ADAP2: variants seen among roughly 807,000 people sequenced by gnomAD.
The protein encoded by ADAP2 is arf-GAP with dual PH domain-containing protein 2.
A neutral mutation model predicts 54.9 loss-of-function variants in ADAP2; 42 were observed. The observed-to-expected ratio is 0.77, with a 90% CI of 0.60 to 0.99. The LOEUF (loss-of-function observed/expected upper bound fraction) is 0.99, where lower values mean the gene tolerates loss of function less well. ADAP2 is among the 50% of genes least tolerant of loss of function. The pLI is 0.00. For missense variants in ADAP2, 429 were observed against 480.4 expected, an observed-to-expected ratio of 0.89 and a Z score of 1.00; for synonymous variants, 177 against 180.1, an observed-to-expected ratio of 0.98 and a Z score of 0.14.
chr17:30,941,924 C>G (rs533970527), intron 5 of ADAP2, among the ~76,000 whole-genome samples: 1 of 147,010 alleles, frequency 6.8e-6, no homozygotes, highest in Non-Finnish European at 1.5e-5. Flanking sequence ...TTTTTTTTTT[C>G]GAGATGGAGT....
intron 5 of ADAP2, among the ~76,000 whole-genome samples, chr17:30,938,499 G>T (rs1034240481): frequency 6.6e-6 from 1 of 152,174 alleles, no homozygotes; most frequent in Non-Finnish European, 1.5e-5. Flanking sequence ...AGAGGGTCAC[G>T]TATACACTGG....
intron 3 of ADAP2, among the ~76,000 whole-genome samples, chr17:30,929,003 A>G (rs997438860): frequency 3.3e-5 from 5 of 152,240 alleles, no homozygotes; most frequent in African/African-American, 1.2e-4. Flanking sequence ...GGCAGTACAC[A>G]GACTATATAA....
chr17:30,930,851 A>G (rs1252733162), intron 3 of ADAP2, among the ~76,000 whole-genome samples: 2 of 152,166 alleles, frequency 1.3e-5, no homozygotes, highest in African/African-American at 4.8e-5. Flanking sequence ...ACGGATGACA[A>G]TCTCTGATTG....
intron 5 of ADAP2, among the ~76,000 whole-genome samples, chr17:30,935,019 C>T (rs1278246925): frequency 1.3e-5 from 2 of 152,076 alleles, no homozygotes; most frequent in Non-Finnish European, 2.9e-5. Context: ...TGCCACTGTA[C>T]TCTAGCATGG....
intron 3 of ADAP2, among the ~76,000 whole-genome samples, chr17:30,929,004 G>A (rs1475023886): frequency 6.6e-6 from 1 of 152,200 alleles, no homozygotes; most frequent in African/African-American, 2.4e-5. Flanking sequence ...GCAGTACACA[G>A]ACTATATAAC....
At chr17:30,922,861 T>C in intron 1 of ADAP2, 79 bp from the exon 2 acceptor site, 2 of 1,508,200 alleles carry the variant, frequency 1.3e-6, no homozygotes, top group Non-Finnish European at 1.8e-6. Context: ...GCGCCCCACC[T>C]GCCCCAGTGC....
At chr17:30,953,960 C>T (rs995939161) in intron 8 of ADAP2, among the ~76,000 whole-genome samples, 2 of 152,048 alleles carry the variant, frequency 1.3e-5, no homozygotes, top group African/African-American at 4.8e-5. Flanking sequence ...CAATGTGGCC[C>T]AGGGAAGGCA....
chr17:30,952,688 T>C (rs531352091), intron 7 of ADAP2, among the ~76,000 whole-genome samples: 165 of 152,226 alleles, frequency 1.1e-3, no homozygotes, highest in Non-Finnish European at 1.9e-3. Context: ...TGGCCATTAT[T>C]TTCTTGTTGC....
rs542403544 is a variant in ADAP2 at position 30,943,840 on chromosome 17, C to G, written c.511-1067C>G. 2.8e-5 allele frequency among the ~76,000 whole-genome samples: 4 copies of G among 143,152 alleles called. No homozygotes were observed. The East Asian group carries it at 8.0e-4, about 29-fold the overall frequency. The allele number at this position is 143,152 out of a possible 152,430, so 93.9% of individuals were successfully genotyped here. A position where few individuals can be genotyped will look rare whatever the true frequency, so the allele number is the denominator to read the frequency against. On this transcript the variant is annotated intron_variant, in intron 5 of 10. Transcript: ENST00000330889. ...TCAGCCTGGACAACAGAGCAAGACT[C>G]TATCTCAAAAATAAATAAATAAATA...
At chr17:30,930,390 A>G (rs1471214441) in intron 3 of ADAP2, among the ~76,000 whole-genome samples, 1 of 152,132 alleles carries the variant, frequency 6.6e-6, no homozygotes, top group Non-Finnish European at 1.5e-5. Context: ...AGTTTAAACC[A>G]GCATTAAAAA....
At chr17:30,927,395 C>A (rs544644523) in intron 3 of ADAP2, among the ~76,000 whole-genome samples, 1 of 151,926 alleles carries the variant, frequency 6.6e-6, no homozygotes, top group South Asian at 2.1e-4. Flanking sequence ...GGGCAGATCA[C>A]GAGGTCAGGG....
At chr17:30,954,201 A>G (rs1487376423) in intron 8 of ADAP2, 1 of 323,234 alleles carries the variant, frequency 3.1e-6, no homozygotes, top group African/African-American at 2.1e-5. Context: ...CTTTGTCTAC[A>G]GCCTGAAAAA....
chr17:30,936,350 G>T (rs1407855864), intron 5 of ADAP2, among the ~76,000 whole-genome samples: 1 of 152,170 alleles, frequency 6.6e-6, no homozygotes, highest in East Asian at 1.9e-4. Flanking sequence ...TTTTTGTAGA[G>T]ATAGGGTTTT....
chr17:30,956,836 T>C, intron 10 of ADAP2: 2 of 238,688 alleles, frequency 8.4e-6, no homozygotes, highest in Admixed American at 9.9e-5. Flanking sequence ...CTGTTATTAT[T>C]AGCTAAGGTC....
Position 30,939,632 on chromosome 17 carries a change from G to A in ADAP2, c.511-5275G>A, listed in dbSNP as rs560575959. Among the ~76,000 whole-genome samples, 43 of 152,046 alleles carry A rather than the reference G, an allele frequency of 2.8e-4. No homozygotes were observed. The South Asian group carries it at 7.9e-3, about 28-fold the overall frequency. ...TAAAAATACAAAAACTTAGCTGGGCGTGGTGGCAGGCGCCTGTAGTCGCAG... is the reference window on the plus strand; with the variant it reads ...TAAAAATACAAAAACTTAGCTGGGCATGGTGGCAGGCGCCTGTAGTCGCAG... On this transcript the variant is annotated intron_variant, in intron 5 of 10. Transcript: ENST00000330889.
In ADAP2 at chr17:30,934,228, A is replaced by G. The variant is rs1208836519; in HGVS notation, c.441A>G (p.Ser147=). 2 of 1,614,136 alleles carry G rather than the reference A, an allele frequency of 1.2e-6. No homozygotes were observed. The highest frequency in any genetic ancestry group is 2.7e-5 in the African/African-American group (2 of 75,044). ...GFLWKRGRDN[S]QFLRRKFVLL... ...TGTGGAAGCGAGGAAGGGACAACTC[A>G]CAGTTTCTGAGAAGGAAGTTTGTAC... is the stretch of plus-strand genomic sequence containing the variant. Residue 147 remains serine (S), a synonymous_variant, in exon 5 of 11, where the codon TCA becomes TCG. Coordinates refer to ENST00000330889, the MANE Select transcript of ADAP2 (RefSeq NM_018404.3).
chr17:30,957,846 G>A lies in ADAP2; in HGVS notation c.1123G>A (p.Glu375Lys), dbSNP rs1177824455. The A allele has an allele frequency of 1.2e-6, 2 of 1,613,658 alleles. No individual in the cohort carries two copies. The highest frequency in any genetic ancestry group is 1.7e-5 in the Admixed American group (1 of 59,974). ...TPLNRLTASTESGRSSR is the reference protein window; with the variant it reads ...TPLNRLTASTKSGRSSR ...CATTTCCCTTGCAGCTGCATCAACA[G>A]AGAGTGGCCGCAGCAGCAGGTGACC... The change falls in exon 11 of 11, where the codon GAG becomes AAG. Residue 375 changes from glutamate to lysine, a missense_variant. Transcript: ENST00000330889.
At chr17:30,950,157 C>T (rs1904519003) in intron 7 of ADAP2, among the ~76,000 whole-genome samples, 5 of 152,210 alleles carry the variant, frequency 3.3e-5, no homozygotes, top group South Asian at 2.1e-4. Context: ...CTAAAATCCC[C>T]TCTTTGCCCT....
chr17:30,930,312 T>A (rs1026908060), intron 3 of ADAP2, among the ~76,000 whole-genome samples: 2 of 152,054 alleles, frequency 1.3e-5, no homozygotes, highest in African/African-American at 2.4e-5. Flanking sequence ...CCTCAAGTGA[T>A]CTGCCTGCCT....
Sources: allele counts gnomAD v4.1 joint callset (sites outside exome capture counted in the v4.1 genomes callset), GRCh38; gene constraint gnomAD v4.1.1; transcripts MANE v1.5; gene names NCBI Gene and HGNC (gene_info 2026-07-23, HGNC 2026-07-21).